Variants in TDRD9 observed in about 807,000 individuals in gnomAD.
TDRD9 encodes the protein ATP-dependent RNA helicase TDRD9.
In TDRD9, 124 loss-of-function variants were observed where a neutral mutation model predicts 172.6. The ratio of observed to expected loss-of-function variants is 0.72; its 90% CI spans 0.62 to 0.83. The LOEUF is 0.83. Ranked by LOEUF, TDRD9 falls within the 40% of genes least tolerant of loss-of-function variation. TDRD9 has a pLI of 0.00. For missense variants in TDRD9, 1,479 were observed against 1,714.1 expected (o/e 0.86, Z 2.42); for synonymous variants, 619 against 617.1 (o/e 1.00, Z -0.05).
rs2035060638 is a variant in TDRD9, at chr14:104,024,669, G to A, written c.2707G>A (p.Asp903Asn). The A allele has an allele frequency of 6.3e-7, 1 of 1,593,274 alleles. No homozygotes were observed. Among genetic ancestry groups the A allele is most frequent in the Non-Finnish European group, 8.6e-7 (1 of 1,163,044 alleles). Residue 903 changes from aspartate (D) to asparagine (N), a missense_variant, in exon 25 of 36, where the codon GAT becomes AAT. Transcript: ENST00000409874. ...QTVTDLLLTI[D>N]VTEVVEVGHF... Reference sequence around the variant, plus strand: ...AGTTACAGATCTCCTTCTAACTATTGATGTCACAGAGGTAAGGATGAAGTA... The same window carrying A: ...AGTTACAGATCTCCTTCTAACTATTAATGTCACAGAGGTAAGGATGAAGTA...
rs1047702063 is a variant in TDRD9 at position 103,995,813 on chromosome 14, A to G, written c.1378+6A>G. On this transcript the variant is annotated splice_donor_region_variant and intron_variant, in intron 12 of 35. Coordinates refer to ENST00000409874, the MANE Select transcript of TDRD9 (RefSeq NM_153046.3). ...AGTTCCAGATGTCAAATATGGTAAGATACTTCTCCGTTTACCTCCTGGCAT... is the reference window on the plus strand; with the variant it reads ...AGTTCCAGATGTCAAATATGGTAAGGTACTTCTCCGTTTACCTCCTGGCAT... The G allele has an allele frequency of 2.1e-5, 33 of 1,606,040 alleles. No individual in the cohort carries two copies. The highest frequency in any genetic ancestry group is 1.7e-4 in the Middle Eastern group (1 of 6,052).
At chr14:103,963,724 G>A (rs920394621) in intron 3 of TDRD9, among the ~76,000 whole-genome samples, 1 of 152,122 alleles carries the variant, frequency 6.6e-6, no homozygotes, top group Non-Finnish European at 1.5e-5. Context: ...TAAGCGTATC[G>A]GAACCTTTAT....
chr14:103,953,637 G>A (rs1052428389), intron 1 of TDRD9, among the ~76,000 whole-genome samples: 1 of 152,110 alleles, frequency 6.6e-6, no homozygotes, highest in African/African-American at 2.4e-5. Flanking sequence ...TTGAAGGCCT[G>A]GGAACCAGGG....
At chr14:104,010,655 G>GT (rs2034586127) in intron 20 of TDRD9, among the ~76,000 whole-genome samples, 2 of 150,692 alleles carry the variant, frequency 1.3e-5, no homozygotes, top group African/African-American at 2.4e-5. Context: ...AATAATGATG[G>GT]TATAGTATGA....
At chr14:104,040,366 C>A in intron 33 of TDRD9, 32 bp downstream of exon 33, 3 of 1,498,974 alleles carry the variant, frequency 2.0e-6, no homozygotes, top group Non-Finnish European at 2.7e-6. Flanking sequence ...GGCACCACAA[C>A]CCTGTCTCTC....
At chr14:103,987,214 T>A (rs74883044) in intron 8 of TDRD9, among the ~76,000 whole-genome samples, 2,409 of 152,152 alleles carry the variant, frequency 0.016, 29 homozygotes, top group Non-Finnish European at 0.028. Context: ...GTCTCCATAG[T>A]TTTGCCTTTT....
Position 103,955,737 on chromosome 14 carries a change from G to A in TDRD9, c.289G>A (p.Val97Met), listed in dbSNP as rs2032160534. ...ACAGCTCGAAGCACAAGAGCTTGAT[G>A]TGTGTCGCAGTGTCCAACCAACCAG... Reference protein sequence around the residue: ...YRQLEAQELDVCRSVQPTSGP... With the variant: ...YRQLEAQELDMCRSVQPTSGP... Residue 97 changes from valine to methionine, a missense_variant, in exon 2 of 36, where the codon GTG becomes ATG. Transcript: ENST00000409874. The A allele has an allele frequency of 6.4e-7, 1 of 1,551,392 alleles. No individual in the cohort carries two copies. Among genetic ancestry groups the A allele is most frequent in the Non-Finnish European group, 8.7e-7 (1 of 1,146,836 alleles).
chr14:103,928,486 G>GA lies in TDRD9; in HGVS notation c.-23dup. 1.4e-6 allele frequency: 2 copies of GA among 1,430,568 alleles called. No homozygotes were observed. Among genetic ancestry groups the GA allele is most frequent in the Non-Finnish European group, 1.8e-6 (2 of 1,082,510 alleles). The allele number at this position is 1,430,568 out of a possible 1,614,324, so 88.6% of individuals were successfully genotyped here. A position where few individuals can be genotyped will look rare whatever the true frequency, so the allele number is the denominator to read the frequency against. On this transcript the variant is annotated 5_prime_UTR_variant, in exon 1 of 36. The change creates a new upstream start codon in the 5' untranslated region. Coordinates refer to ENST00000409874, the MANE Select transcript of TDRD9 (RefSeq NM_153046.3). Reference sequence around the variant, plus strand: ...CGCCGCGGAGACCCGGCAGTTGGGGGATGCCGACGCCTGGGCCTTGAGGAT... The same window carrying GA: ...CGCCGCGGAGACCCGGCAGTTGGGGGAATGCCGACGCCTGGGCCTTGAGGAT...
chr14:103,959,491 TACACAC>T (rs147603782), intron 2 of TDRD9, among the ~76,000 whole-genome samples: 50,760 of 148,238 alleles, frequency 0.34, 8,788 homozygotes, highest in Middle Eastern at 0.37. Context: ...TATGTATACA[TACACAC>T]ACACACACAC....
intron 2 of TDRD9, 44 bp downstream of exon 2, chr14:103,955,814 G>A: frequency 6.9e-7 from 1 of 1,454,992 alleles, no homozygotes; most frequent in Non-Finnish European, 9.4e-7. Context: ...TGCATGAGTG[G>A]TTCACATGCT....
At chr14:104,044,130 G>A (rs772473674) in intron 34 of TDRD9, among the ~76,000 whole-genome samples, 2 of 152,102 alleles carry the variant, frequency 1.3e-5, no homozygotes, top group Non-Finnish European at 2.9e-5. Flanking sequence ...GGAGGTACCC[G>A]CTGGCCACAG....
intron 1 of TDRD9, 40 bp downstream of exon 1, chr14:103,928,764 G>A: frequency 2.4e-6 from 2 of 839,994 alleles, no homozygotes; most frequent in Non-Finnish European, 3.1e-6. Context: ...GAGGGCGGCC[G>A]GGCGAGGCCT....
intron 1 of TDRD9, among the ~76,000 whole-genome samples, chr14:103,954,553 T>C (rs955721237): frequency 6.6e-6 from 1 of 152,254 alleles, no homozygotes; most frequent in East Asian, 1.9e-4. Flanking sequence ...CATGTGCTGA[T>C]GTTTAACAAA....
rs781069710 is a variant in TDRD9 at position 103,994,470 on chromosome 14, CT to C, written c.1236-48del. The C allele has an allele frequency of 9.4e-6, 15 of 1,603,364 alleles. No individual in the cohort carries two copies. In the East Asian group the frequency reaches 2.9e-4, roughly 31 times the overall value. The stretch of plus-strand genomic sequence containing the variant: ...ATTATCTCAGTATTTATTTTTGTAT[CT>C]CATGTATATCTATTCTTTATGGAGA... On this transcript the variant is annotated intron_variant, in intron 10 of 35. Coordinates refer to ENST00000409874, the MANE Select transcript of TDRD9 (RefSeq NM_153046.3).
chr14:103,941,190 A>T, intron 1 of TDRD9: 3 of 1,096,768 alleles, frequency 2.7e-6, no homozygotes, highest in Non-Finnish European at 3.8e-6. Context: ...AATAATGTAT[A>T]CAAGTTACCC....
chr14:103,968,467 G>A (rs2032850990), intron 5 of TDRD9, among the ~76,000 whole-genome samples: 1 of 152,152 alleles, frequency 6.6e-6, no homozygotes, highest in Non-Finnish European at 1.5e-5. Flanking sequence ...ATGGAATAAT[G>A]TTTTAAACTT....
At chr14:103,941,609 A>T (rs1257226580) in intron 1 of TDRD9, 1 of 1,535,182 alleles carries the variant, frequency 6.5e-7, no homozygotes, top group Non-Finnish European at 8.7e-7. Context: ...CCCGAAGCAG[A>T]GTCTTTGTCA....
In TDRD9 at chr14:104,025,582, T is replaced by C. The variant is rs754950213; in HGVS notation, c.2737T>C (p.Phe913Leu). ...DVTEVVEVGH[F>L]WGYRIDENNS... is the part of the protein sequence containing the mutation. Reference sequence around the variant, plus strand: ...TTTTTAGGTGGTTGAAGTGGGACACTTTTGGGGATACAGGATTGATGAAAA... The same window carrying C: ...TTTTTAGGTGGTTGAAGTGGGACACCTTTGGGGATACAGGATTGATGAAAA... The change falls in exon 26 of 36, where the codon TTT becomes CTT. Residue 913 changes from phenylalanine (F) to leucine (L), a missense_variant. By Grantham distance (22) the Phe-to-Leu change is conservative. Transcript: ENST00000409874. The C allele has an allele frequency of 1.2e-6, 2 of 1,613,960 alleles. No homozygotes were observed. Among genetic ancestry groups the C allele is most frequent in the East Asian group, 2.2e-5 (1 of 44,878 alleles).
In TDRD9 at chr14:103,934,251, A is replaced by G. The variant is rs1427313390; in HGVS notation, c.215+5527A>G. ...TGGTGTCAAACTCCTGGGCTCAAGC[A>G]GTCCTCTCCTCTGGGCCTCCCAAAA... On this transcript the variant is annotated intron_variant, in intron 1 of 35. Coordinates refer to ENST00000409874, the MANE Select transcript of TDRD9 (RefSeq NM_153046.3). 3.3e-5 allele frequency among the ~76,000 whole-genome samples: 5 copies of G among 152,310 alleles called. No individual in the cohort carries two copies. The East Asian group carries it at 9.7e-4, about 29-fold the overall frequency.
Sources: allele counts gnomAD v4.1 joint callset (sites outside exome capture counted in the v4.1 genomes callset), GRCh38; gene constraint gnomAD v4.1.1; transcripts MANE v1.5; gene names NCBI Gene and HGNC (gene_info 2026-07-23, HGNC 2026-07-21).